KMT2B: variants seen among roughly 807,000 people sequenced by gnomAD.
The protein encoded by KMT2B is lysine methyltransferase 2B.
Under a neutral mutation model 255.3 loss-of-function variants are expected in KMT2B, and 22 were observed. That is an observed-to-expected ratio of 0.09 (90% confidence interval 0.06 to 0.12). The LOEUF (loss-of-function observed/expected upper bound fraction) is 0.12. KMT2B is among the 10% of genes least tolerant of loss of function. The pLI, the probability that KMT2B is intolerant of heterozygous loss-of-function variation, is 1.00. For synonymous variants in KMT2B, 1,730 were observed against 1,498.1 expected, an observed-to-expected ratio of 1.15 and a Z score of -3.57; for missense variants, 3,149 against 3,737.0, an observed-to-expected ratio of 0.84 and a Z score of 4.10.
At position 35,723,124 on chromosome 19, in the gene KMT2B, G is replaced by A; in HGVS notation, c.2852G>A (p.Arg951His). 7 of 1,613,346 alleles carry A rather than the reference G, an allele frequency of 4.3e-6. No individual in the cohort carries two copies. The highest frequency in any genetic ancestry group is 1.3e-5 in the African/African-American group (1 of 74,998). Residue 951 changes from arginine (R) to histidine (H), a missense_variant, in exon 6 of 37, where the codon CGC becomes CAC. Physicochemically the swap from Arg to His is conservative, Grantham distance 29 (BLOSUM62 0). Coordinates refer to ENST00000420124, the MANE Select transcript of KMT2B (RefSeq NM_014727.3). This position sits in a 1 kb window ranked among gnomAD's most constrained non-coding sequence, Gnocchi z 7.5. ...SGGTLAHTPR[R>H]SLPSHHGKKM... ...GGGACCCTGGCCCACACACCCCGGC[G>A]CTCACTGCCCTCCCATCACGGCAAG...
chr19:35,720,685 G>A lies in KMT2B; in HGVS notation c.1338G>A (p.Pro446=), dbSNP rs775766421. 3.0e-5 allele frequency: 31 copies of A among 1,021,920 alleles called. No individual in the cohort carries two copies. The East Asian group carries it at 5.4e-4, about 18-fold the overall frequency. 63.3% of individuals were successfully genotyped at this position (1,021,920 alleles called of 1,614,324 possible). ...VSPPPLPSPP[P]PPAQEEQEES... is the part of the protein sequence containing the mutation. ...CACCACCTCTACCATCCCCTCCACC[G>A]CCTCCTGCCCAAGAGGAGCAGGAGG... Residue 446 remains proline, a synonymous_variant, in exon 3 of 37, where the codon CCG becomes CCA. Coordinates refer to ENST00000420124, the MANE Select transcript of KMT2B (RefSeq NM_014727.3).
chr19:35,733,920 C>A lies in KMT2B; in HGVS notation c.7159+48C>A. On this transcript the variant is annotated intron_variant, in intron 30 of 36. Transcript: ENST00000420124. This position sits in a 1 kb window ranked among gnomAD's most constrained non-coding sequence, Gnocchi z 4.3. The stretch of plus-strand genomic sequence containing the variant: ...CCCTCCTTGCCTGTGCCTGGCTCAG[C>A]TGGGTGACTCACAGATGCAAAATCA... The A allele has an allele frequency of 7.3e-7, 1 of 1,370,224 alleles. No individual in the cohort carries two copies. The highest frequency in any genetic ancestry group is 1.0e-6 in the Non-Finnish European group (1 of 970,258). 84.9% of individuals were successfully genotyped at this position (1,370,224 alleles called of 1,614,324 possible). A position where few individuals can be genotyped will look rare whatever the true frequency, so the allele number is the denominator to read the frequency against.
Position 35,732,105 on chromosome 19 carries a change from G to A in KMT2B, c.5635G>A (p.Gly1879Ser). 6.2e-7 allele frequency: 1 copy of A among 1,602,386 alleles called. No individual in the cohort carries two copies. Among genetic ancestry groups the A allele is most frequent in the South Asian group, 1.1e-5 (1 of 89,308 alleles). Reference protein sequence around the residue: ...NYSPSRRPLGGVSFGPLPSPG... With the variant: ...NYSPSRRPLGSVSFGPLPSPG... ...CTCGCCATCCCGGAGGCCCTTGGGG[G>A]GTGTCTCCTTTGGCCCCCTGCCCTC... is the stretch of plus-strand genomic sequence containing the variant. The change falls in exon 27 of 37, where the codon GGT (glycine) becomes AGT (serine). Residue 1879 changes from glycine (G) to serine (S), a missense_variant. Coordinates refer to ENST00000420124, the MANE Select transcript of KMT2B (RefSeq NM_014727.3).
chr19:35,734,214 GC>G (rs1195249632), intron 30 of KMT2B, among the ~76,000 whole-genome samples: 9 of 152,196 alleles, frequency 5.9e-5, no homozygotes, highest in Admixed American at 3.9e-4. Context: ...AGGGAATGCA[GC>G]CCAGCTAGCA....
In KMT2B at chr19:35,733,590, C is replaced by T; in HGVS notation, c.6960-7C>T. 1 of 1,569,696 alleles carries T rather than the reference C, an allele frequency of 6.4e-7. No homozygotes were observed. Among genetic ancestry groups the T allele is most frequent in the Admixed American group, 1.9e-5 (1 of 52,962 alleles). On this transcript the variant is annotated splice_region_variant and splice_polypyrimidine_tract_variant and intron_variant, in intron 28 of 36. Transcript: ENST00000420124. This position sits in a 1 kb window ranked among gnomAD's most constrained non-coding sequence, Gnocchi z 4.3. ...GCGGCTCATCCTTCTCGGGCTCGCCCTCCCAGGTTTAGCCGTGTGAGGATG... is the reference window on the plus strand; with the variant it reads ...GCGGCTCATCCTTCTCGGGCTCGCCTTCCCAGGTTTAGCCGTGTGAGGATG...
intron 8 of KMT2B, among the ~76,000 whole-genome samples, chr19:35,724,239 C>G (rs190441053): frequency 7.9e-5 from 12 of 152,262 alleles, no homozygotes; most frequent in African/African-American, 2.9e-4. Context: ...GTGGCTCACA[C>G]TTGTAATCCC....
At chr19:35,719,717 C>T (rs1053301167) in intron 2 of KMT2B, 67 bp from the exon 3 acceptor site, 2 of 1,533,534 alleles carry the variant, frequency 1.3e-6, no homozygotes, top group Admixed American at 2.1e-5. Flanking sequence ...TCCCTGCCCT[C>T]CTGGAGCGCC....
chr19:35,723,208 G>C lies in KMT2B; in HGVS notation c.2936G>C (p.Gly979Ala), dbSNP rs762061090. The change falls in exon 6 of 37, where the codon GGG becomes GCG. Residue 979 changes from glycine (G) to alanine (A), a missense_variant. This residue lies in a region of KMT2B where 11 missense variants were observed against 45.3 expected (regional missense o/e 0.24). Coordinates refer to ENST00000420124, the MANE Select transcript of KMT2B (RefSeq NM_014727.3). This position sits in a 1 kb window ranked among gnomAD's most constrained non-coding sequence, Gnocchi z 7.5. The stretch of plus-strand genomic sequence containing the variant: ...GGCTGCCTACGTGTGCAGGACTGTG[G>C]GTCCTGTGTCAACTGCCTAGACAAG... ...CRGCLRVQDCGSCVNCLDKPK... is the reference protein window; with the variant it reads ...CRGCLRVQDCASCVNCLDKPK... 2.5e-6 allele frequency: 4 copies of C among 1,613,252 alleles called. No individual in the cohort carries two copies. Among genetic ancestry groups the C allele is most frequent in the Non-Finnish European group, 3.4e-6 (4 of 1,179,852 alleles).
rs1236524222 is a variant in KMT2B at position 35,737,811 on chromosome 19, G to A, written c.7659-48G>A. On this transcript the variant is annotated intron_variant, in intron 34 of 36. Transcript: ENST00000420124. The surrounding 1 kb of genome is among the most constrained non-coding windows in gnomAD (Gnocchi z 5.3). Reference sequence around the variant, plus strand: ...TCTTAGAGAGTGAGCAGGGGTGAGAGAGGTCATTCTGAGCACCAGCCTGGG... The same window carrying A: ...TCTTAGAGAGTGAGCAGGGGTGAGAAAGGTCATTCTGAGCACCAGCCTGGG... 2.6e-6 allele frequency: 4 copies of A among 1,550,396 alleles called. No individual in the cohort carries two copies.
At position 35,728,166 on chromosome 19, in the gene KMT2B, G is replaced by A; in HGVS notation, c.4566G>A (p.Leu1522=). Residue 1522 remains leucine (L), a synonymous_variant, in exon 19 of 37, where the codon CTG becomes CTA. Transcript: ENST00000420124. ...DPKYWRRSTR[L]PNGVLPNAVL... ...AGTACTGGCGACGGAGTACCCGGCTGCCAAAGTGAGCAAGGCTGGGTAGCA... is the reference window on the plus strand; with the variant it reads ...AGTACTGGCGACGGAGTACCCGGCTACCAAAGTGAGCAAGGCTGGGTAGCA... The A allele has an allele frequency of 6.3e-7, 1 of 1,589,100 alleles. No individual in the cohort carries two copies. Among genetic ancestry groups the A allele is most frequent in the Non-Finnish European group, 8.6e-7 (1 of 1,168,480 alleles).
rs572295847 is a variant in KMT2B at position 35,729,354 on chromosome 19, C to T, written c.4917+58C>T. ...CTCTGGCTCTTGGGGAGGCCTCCTC[C>T]GGTGCAAACAGCTCTTACTTCACAT... is the stretch of plus-strand genomic sequence containing the variant. On this transcript the variant is annotated intron_variant, in intron 22 of 36. Coordinates refer to ENST00000420124, the MANE Select transcript of KMT2B (RefSeq NM_014727.3). 3.4e-4 allele frequency: 529 copies of T among 1,539,916 alleles called. 5 individuals are homozygous for T. The South Asian group carries it at 5.5e-3, about 16-fold the overall frequency.
At chr19:35,722,861 A>T (rs772363676) in intron 5 of KMT2B, 134 bp from the exon 6 acceptor site, 1 of 1,416,402 alleles carries the variant, frequency 7.1e-7, no homozygotes, top group Non-Finnish European at 9.4e-7. Flanking sequence ...TAGGTCCTAG[A>T]GCAACTTCAT....
Position 35,725,564 on chromosome 19 carries a change from C to G in KMT2B, c.3728C>G (p.Thr1243Ser), listed in dbSNP as rs1259224910. The G allele has an allele frequency of 1.2e-6, 2 of 1,610,440 alleles. No homozygotes were observed. Among genetic ancestry groups the G allele is most frequent in the Admixed American group, 3.3e-5 (2 of 60,014 alleles). ...AERPLPQHHD[T>S]WCCRRCKFCH... ...CGGCCCCTGCCCCAGCATCACGACACCTGGTGCTGCCGTCGCTGCAAATTC... is the reference window on the plus strand; with the variant it reads ...CGGCCCCTGCCCCAGCATCACGACAGCTGGTGCTGCCGTCGCTGCAAATTC... Residue 1243 changes from threonine to serine, a missense_variant, in exon 12 of 37, where the codon ACC (threonine) becomes AGC (serine). Thr to Ser is a moderately conservative substitution (Grantham distance 58). Coordinates refer to ENST00000420124, the MANE Select transcript of KMT2B (RefSeq NM_014727.3). This position sits in a 1 kb window ranked among gnomAD's most constrained non-coding sequence, Gnocchi z 4.1.
rs763031353 is a variant in KMT2B at position 35,720,556 on chromosome 19, A to G, written c.1209A>G (p.Pro403=). 1.2e-5 allele frequency: 18 copies of G among 1,543,650 alleles called. No individual in the cohort carries two copies. The South Asian group carries it at 2.0e-4, about 17-fold the overall frequency. ...AAAAGGAAGAGGCAAAGCTGCCACCACCGCCTCTGACTCCTCCAGCCCCTT... is the reference window on the plus strand; with the variant it reads ...AAAAGGAAGAGGCAAAGCTGCCACCGCCGCCTCTGACTCCTCCAGCCCCTT... The part of the protein sequence containing the change: ...AAEKEEAKLP[P]PPLTPPAPSP... The change falls in exon 3 of 37, where the codon CCA becomes CCG. Residue 403 remains proline (P), a synonymous_variant. Coordinates refer to ENST00000420124, the MANE Select transcript of KMT2B (RefSeq NM_014727.3).
chr19:35,720,828 C>T lies in KMT2B; in HGVS notation c.1481C>T (p.Pro494Leu), dbSNP rs1349971063. 3 of 1,544,398 alleles carry T rather than the reference C, an allele frequency of 1.9e-6. No homozygotes were observed. The highest frequency in any genetic ancestry group is 2.7e-5 in the African/African-American group (2 of 73,176). The change falls in exon 3 of 37, where the codon CCT (proline) becomes CTT (leucine). Residue 494 changes from proline (P) to leucine (L), a missense_variant. Pro to Leu is a moderately conservative substitution (Grantham distance 98). Coordinates refer to ENST00000420124, the MANE Select transcript of KMT2B (RefSeq NM_014727.3). ...AARAGPEGTS[P>L]PTPTPSTATG... ...CGGGCAGGGCCAGAGGGCACCTCTC[C>T]TCCCACTCCAACCCCCAGCACCGCC...
In KMT2B at chr19:35,733,314, G is replaced by T. The variant is rs762206839; in HGVS notation, c.6765G>T (p.Pro2255=). ...VVGVVRPAPP[P]PPPPLTLVLS... is the part of the protein sequence containing the mutation. ...GAGTGGTCCGCCCTGCCCCGCCCCC[G>T]CCACCCCCTCCCCTGACGCTGGTGC... Residue 2255 remains proline, a synonymous_variant, in exon 28 of 37, where the codon CCG becomes CCT. Coordinates refer to ENST00000420124, the MANE Select transcript of KMT2B (RefSeq NM_014727.3). The surrounding 1 kb of genome is among the most constrained non-coding windows in gnomAD (Gnocchi z 4.3). 4.2e-6 allele frequency: 2 copies of T among 480,376 alleles called. No individual in the cohort carries two copies. Among genetic ancestry groups the T allele is most frequent in the Non-Finnish European group, 6.3e-6 (2 of 316,782 alleles). The allele number at this position is 480,376 out of a possible 1,614,324, so 29.8% of individuals were successfully genotyped here.
intron 3 of KMT2B, 121 bp downstream of exon 3, chr19:35,721,925 C>T: frequency 2.3e-6 from 3 of 1,331,088 alleles, no homozygotes; most frequent in Non-Finnish European, 3.0e-6. Flanking sequence ...CAGAACCTGC[C>T]TTTCTGTGAT....
Position 35,737,388 on chromosome 19 carries a change from A to AT in KMT2B, c.7550+128dup. On this transcript the variant is annotated intron_variant, in intron 33 of 36. Transcript: ENST00000420124. This position sits in a 1 kb window ranked among gnomAD's most constrained non-coding sequence, Gnocchi z 5.3. ...GAGACACTAGGTCACTTGAAGAGTT[A>AT]TTTCTAGAGTTAGCCAGGCTCCGTG... is the stretch of plus-strand genomic sequence containing the variant. 1.8e-6 allele frequency: 2 copies of AT among 1,096,382 alleles called. No homozygotes were observed. The highest frequency in any genetic ancestry group is 2.5e-6 in the Non-Finnish European group (2 of 793,586). The allele number at this position is 1,096,382 out of a possible 1,614,324, so 67.9% of individuals were successfully genotyped here. A position where few individuals can be genotyped will look rare whatever the true frequency, so the allele number is the denominator to read the frequency against.
rs1319680949 is a variant in KMT2B, at chr19:35,733,683, C to A, written c.7046C>A (p.Pro2349His). ...GGGGAGCCCGCTGGGGAAGAAAGTCCTGGGTGAGTGGCCAGGCCCCTCTCC... is the reference window on the plus strand; with the variant it reads ...GGGGAGCCCGCTGGGGAAGAAAGTCATGGGTGAGTGGCCAGGCCCCTCTCC... Reference protein sequence around the residue: ...RPGEPAGEESPGPLQERSPLL... With the variant: ...RPGEPAGEESHGPLQERSPLL... Residue 2349 changes from proline to histidine, a missense_variant, in exon 29 of 37, where the codon CCT (proline) becomes CAT (histidine). Coordinates refer to ENST00000420124, the MANE Select transcript of KMT2B (RefSeq NM_014727.3). The surrounding 1 kb of genome is among the most constrained non-coding windows in gnomAD (Gnocchi z 4.3). The A allele has an allele frequency of 6.2e-7, 1 of 1,603,442 alleles. No individual in the cohort carries two copies.
Sources: allele counts gnomAD v4.1 joint callset (sites outside exome capture counted in the v4.1 genomes callset), GRCh38; gene constraint gnomAD v4.1.1; regional missense constraint gnomAD v4.1.1; non-coding constraint Gnocchi (gnomAD v3.1); transcripts MANE v1.5; gene names NCBI Gene and HGNC (gene_info 2026-07-23, HGNC 2026-07-21).